The following MYO1H variants were observed in gnomAD, a reference collection of about 807,000 sequenced individuals.
The protein encoded by MYO1H is unconventional myosin-Ih.
Under a neutral mutation model 149.3 loss-of-function variants are expected in MYO1H, and 118 were observed. That is an observed-to-expected ratio of 0.79 (90% confidence interval 0.68 to 0.92). The LOEUF (loss-of-function observed/expected upper bound fraction) is 0.92, where lower values mean the gene tolerates loss of function less well. MYO1H is among the 40% of genes least tolerant of loss of function. MYO1H has a pLI of 0.00. For synonymous variants in MYO1H, 447 were observed against 465.2 expected (o/e 0.96, Z 0.50); for missense variants, 1,212 against 1,280.7 (o/e 0.95, Z 0.82).
chr12:109,446,650 A>G (rs577676076), intron 31 of MYO1H: 1 of 172,940 alleles, frequency 5.8e-6, no homozygotes, highest in Admixed American at 6.5e-5. Context: ...ATAGTTCCAG[A>G]TACTCAGGGA....
At chr12:109,420,135 ATTCAGTGTATTT>A (rs1162833278) in intron 15 of MYO1H, among the ~76,000 whole-genome samples, 1 of 152,064 alleles carries the variant, frequency 6.6e-6, no homozygotes, top group Non-Finnish European at 1.5e-5. Context: ...GTTTCTGTAT[ATTCAGTGTATTT>A]GTGTTTCTTT....
chr12:109,430,939 A>G (rs1871585709), intron 19 of MYO1H, among the ~76,000 whole-genome samples: 1 of 133,310 alleles, frequency 7.5e-6, no homozygotes, highest in African/African-American at 2.8e-5. Flanking sequence ...ATATATATAC[A>G]TGTATTTTTT....
At chr12:109,327,122 C>CTTTTTTTTTTTTTTTTTTTTT in the MYO1H span, among the ~76,000 whole-genome samples, 4 of 111,400 alleles carry the variant, frequency 3.6e-5, 1 homozygote, top group African/African-American at 7.6e-5. Flanking sequence ...TTTTCTTTTT[C>CTTTTTTTTTTTTTTTTTTTTT]TTTTTCTTTT....
intron 16 of MYO1H, among the ~76,000 whole-genome samples, chr12:109,424,380 C>T (rs7953142): frequency 0.33 from 50,219 of 152,018 alleles, 8,456 homozygotes; most frequent in Admixed American, 0.4. Flanking sequence ...TCTCAAACTC[C>T]TGGGCTCAAG....
At chr12:109,328,141 C>CATATAT in the MYO1H span, among the ~76,000 whole-genome samples, 14 of 142,596 alleles carry the variant, frequency 9.8e-5, no homozygotes, top group African/African-American at 3.3e-4. Context: ...CACACACACG[C>CATATAT]ATATATATAT....
exon 29 of MYO1H, chr12:109,444,233 A>C: frequency 1.2e-6 from 2 of 1,613,744 alleles, no homozygotes; most frequent in Non-Finnish European, 1.7e-6. Flanking sequence ...TAGCAATCTG[A>C]GTGATGGAAT....
At chr12:109,404,585 T>A (rs971335132) in intron 7 of MYO1H, among the ~76,000 whole-genome samples, 1 of 152,320 alleles carries the variant, frequency 6.6e-6, no homozygotes, top group African/African-American at 2.4e-5. Context: ...AATTATTGCA[T>A]GTGGGCAAAC....
the MYO1H span, among the ~76,000 whole-genome samples, chr12:109,330,481 A>G: frequency 6.6e-6 from 1 of 152,186 alleles, no homozygotes; most frequent in Non-Finnish European, 1.5e-5. Context: ...AAGCTAAGGA[A>G]CTTCCCACTT....
intron 1 of MYO1H, among the ~76,000 whole-genome samples, chr12:109,377,782 T>A (rs1800062450): frequency 6.6e-6 from 1 of 152,244 alleles, no homozygotes; most frequent in Non-Finnish European, 1.5e-5. Flanking sequence ...ACATTCTATA[T>A]GTCATGCAAC....
intron 5 of MYO1H, among the ~76,000 whole-genome samples, chr12:109,399,011 C>T (rs1266559645): frequency 6.6e-6 from 1 of 152,052 alleles, no homozygotes; most frequent in Non-Finnish European, 1.5e-5. Flanking sequence ...GCAGAATTCT[C>T]AAGGGCTCAT....
rs79470884 is a variant in MYO1H, at chr12:109,445,935, C to T, written c.3093+323C>T. On this transcript the variant is annotated intron_variant, in intron 31 of 31. Coordinates refer to ENST00000310903, the Ensembl canonical transcript of MYO1H. Reference sequence around the variant, plus strand: ...GCTTATTACAGTTATCCATAACTATCCATAACTTCCCCCCACGTGGAAATC... The same window carrying T: ...GCTTATTACAGTTATCCATAACTATTCATAACTTCCCCCCACGTGGAAATC... 5.3e-4 allele frequency: 520 copies of T among 985,402 alleles called. 1 individual carries two copies. In the African/African-American group the frequency reaches 7.3e-3, roughly 14 times the overall value. 61.0% of individuals were successfully genotyped at this position (985,402 alleles called of 1,614,324 possible).
chr12:109,401,332 C>T, intron 6 of MYO1H, 60 bp downstream of exon 6: 8 of 1,503,506 alleles, frequency 5.3e-6, no homozygotes, highest in Non-Finnish European at 6.3e-6. Context: ...AGAGATGTTT[C>T]TACGTGCTGC....
chr12:109,346,489 G>A (rs79999672), upstream of MYO1H, among the ~76,000 whole-genome samples: 6 of 152,316 alleles, frequency 3.9e-5, no homozygotes, highest in East Asian at 3.9e-4. Flanking sequence ...GGCCAGGCGC[G>A]ATGGCCCACA....
chr12:109,431,627 G>A (rs1201351867), intron 19 of MYO1H, among the ~76,000 whole-genome samples: 1 of 152,140 alleles, frequency 6.6e-6, no homozygotes, highest in East Asian at 1.9e-4. Context: ...CAGTGGCTCC[G>A]GTTGTGCTGC....
chr12:109,370,895 A>T (rs1483185384), intron 1 of MYO1H, among the ~76,000 whole-genome samples: 1 of 152,226 alleles, frequency 6.6e-6, no homozygotes, highest in Admixed American at 6.5e-5. Context: ...TCAGCCTAAG[A>T]TCAAGGAATC....
the MYO1H span, among the ~76,000 whole-genome samples, chr12:109,333,041 C>T: frequency 2.6e-5 from 4 of 152,210 alleles, no homozygotes; most frequent in African/African-American, 4.8e-5. Context: ...GTAAAAACGC[C>T]GGGTGCCATG....
At chr12:109,373,879 C>T (rs771084704) in intron 1 of MYO1H, among the ~76,000 whole-genome samples, 7 of 152,096 alleles carry the variant, frequency 4.6e-5, no homozygotes, top group African/African-American at 7.2e-5. Context: ...CCCAGCTACT[C>T]GGGAGGCTGA....
At chr12:109,334,679 A>G in the MYO1H span, among the ~76,000 whole-genome samples, 1 of 151,958 alleles carries the variant, frequency 6.6e-6, no homozygotes, top group Non-Finnish European at 1.5e-5. Flanking sequence ...ACTTACAGAT[A>G]TTTTCCCTCT....
chr12:109,445,776 T>C (rs1238978129), intron 31 of MYO1H, 164 bp downstream of exon 31: 3 of 984,540 alleles, frequency 3.0e-6, no homozygotes, highest in African/African-American at 1.8e-5. Context: ...AAGAAACTGA[T>C]ATAGAGATAC....
Sources: gnomAD v4.1 joint callset for allele counts (sites outside exome capture counted in the v4.1 genomes callset) on GRCh38, gnomAD v4.1.1 for gene constraint, MANE v1.5 for transcripts, NCBI Gene and HGNC (gene_info 2026-07-23, HGNC 2026-07-21) for gene names.